Variants in DCUN1D3 observed in about 807,000 individuals in gnomAD.
The protein encoded by DCUN1D3 is DCN1-like protein 3.
DCUN1D3 carries 6 observed loss-of-function variants against 24.8 expected under a neutral mutation model. The observed-to-expected ratio is 0.24, with a 90% CI of 0.13 to 0.48. The LOEUF (loss-of-function observed/expected upper bound fraction) is 0.48, where lower values mean the gene tolerates loss of function less well. Ranked by LOEUF, DCUN1D3 falls within the 20% of genes least tolerant of loss-of-function variation. The pLI, the probability that DCUN1D3 is intolerant of heterozygous loss-of-function variation, is 0.99. For synonymous variants in DCUN1D3, 120 were observed against 144.9 expected, an observed-to-expected ratio of 0.83 and a Z score of 1.24; for missense variants, 258 against 379.4, an observed-to-expected ratio of 0.68 and a Z score of 2.66.
chr16:20,897,902 T>C (rs1297268939), intron 1 of DCUN1D3, among the ~76,000 whole-genome samples: 1 of 152,182 alleles, frequency 6.6e-6, no homozygotes, highest in Non-Finnish European at 1.5e-5. Context: ...GATAAGACCC[T>C]AGTTAAGGCG....
At chr16:20,881,354 C>T (rs1191419307) in intron 1 of DCUN1D3, among the ~76,000 whole-genome samples, 2 of 152,142 alleles carry the variant, frequency 1.3e-5, no homozygotes, top group Non-Finnish European at 2.9e-5. Context: ...TTACAATGAC[C>T]GATGAGTGTG....
Position 20,858,522 on chromosome 16 carries a change from GTATATA to G in DCUN1D3, c.*1358_*1363del, listed in dbSNP as rs1311005981. The G allele has an allele frequency of 6.9e-6, 1 of 144,220 alleles. No individual in the cohort carries two copies. The highest frequency in any genetic ancestry group is 2.2e-4 in the South Asian group (1 of 4,588). 8.9% of individuals were successfully genotyped at this position (144,220 alleles called of 1,614,324 possible). A position where few individuals can be genotyped will look rare whatever the true frequency, so the allele number is the denominator to read the frequency against. On this transcript the variant is annotated 3_prime_UTR_variant, in exon 3 of 3. Coordinates refer to ENST00000324344, the MANE Select transcript of DCUN1D3 (RefSeq NM_173475.4). ...CAAAGGAATATAGATACATATATGT[GTATATA>G]TATATATTTTATATAGGTAAAATAT...
chr16:20,885,222 G>A (rs957287246), intron 1 of DCUN1D3, among the ~76,000 whole-genome samples: 2 of 151,976 alleles, frequency 1.3e-5, no homozygotes, highest in African/African-American at 4.8e-5. Context: ...GATTCCGCCC[G>A]CCTCAGTCTC....
rs1188997822 is a variant in DCUN1D3 at position 20,860,225 on chromosome 16, G to A, written c.576C>T (p.Asp192=). The change falls in exon 3 of 3, where the codon GAC becomes GAT. Residue 192 remains aspartate (D), a synonymous_variant. Transcript: ENST00000324344. The surrounding 1 kb of genome is among the most constrained non-coding windows in gnomAD (Gnocchi z 4.3). ...GCAGTGACCGCTGCCCTTCTTCAGA[G>A]TCCAGGCCAAACTGAAATGTAAACC... ...LYRFTFQFGL[D]SEEGQRSLHR... 2 of 1,614,226 alleles carry A rather than the reference G, an allele frequency of 1.2e-6. No individual in the cohort carries two copies. Among genetic ancestry groups the A allele is most frequent in the South Asian group, 2.2e-5 (2 of 91,088 alleles).
intron 1 of DCUN1D3, among the ~76,000 whole-genome samples, chr16:20,886,933 A>T (rs1325249409): frequency 3.9e-5 from 6 of 152,256 alleles, no homozygotes; most frequent in Non-Finnish European, 8.8e-5. Context: ...TGTCTTTGAC[A>T]TGACTTTAGT....
chr16:20,886,058 T>C (rs903103737), intron 1 of DCUN1D3, among the ~76,000 whole-genome samples: 1 of 120,712 alleles, frequency 8.3e-6, no homozygotes, highest in Non-Finnish European at 1.9e-5. Context: ...TATTCATTTT[T>C]TCATTGAAAA....
chr16:20,899,621 A>G (rs2081950507), intron 1 of DCUN1D3, among the ~76,000 whole-genome samples: 1 of 152,112 alleles, frequency 6.6e-6, no homozygotes, highest in Non-Finnish European at 1.5e-5. Flanking sequence ...GAGGGGTGAG[A>G]AGTGCGGGGG....
chr16:20,877,386 T>A (rs1162429444), intron 1 of DCUN1D3, among the ~76,000 whole-genome samples: 23 of 152,216 alleles, frequency 1.5e-4, no homozygotes. Flanking sequence ...AGCACAACGC[T>A]GTTTTACTTC....
chr16:20,860,664 CAA>C lies in DCUN1D3; in HGVS notation c.432-297_432-296del, dbSNP rs2081727667. On this transcript the variant is annotated intron_variant, in intron 2 of 2. Transcript: ENST00000324344. The surrounding 1 kb of genome is among the most constrained non-coding windows in gnomAD (Gnocchi z 4.3). The stretch of plus-strand genomic sequence containing the variant: ...TCATTCATCTTCCCAAAGCTAAACT[CAA>C]GTCTCCTGCTCCCTGCCCTGTTTCC... Among the ~76,000 whole-genome samples, 1 of 152,176 alleles carries C rather than the reference CAA, an allele frequency of 6.6e-6. No individual in the cohort carries two copies. Among genetic ancestry groups the C allele is most frequent in the South Asian group, 2.1e-4 (1 of 4,818 alleles).
At position 20,858,398 on chromosome 16, in the gene DCUN1D3, TC is replaced by T. The variant is rs1212339382; in HGVS notation, c.*1487del. The T allele has an allele frequency of 6.6e-6, 1 of 152,544 alleles. No individual in the cohort carries two copies. The highest frequency in any genetic ancestry group is 1.5e-5 in the Non-Finnish European group (1 of 68,036). The allele number at this position is 152,544 out of a possible 1,614,324, so 9.4% of individuals were successfully genotyped here. A position where few individuals can be genotyped will look rare whatever the true frequency, so the allele number is the denominator to read the frequency against. ...TTTAGTGAAATGGTCCAAATTCAGA[TC>T]CAAAAGCCTCCATTATGGCATTCCC... On this transcript the variant is annotated 3_prime_UTR_variant, in exon 3 of 3. Coordinates refer to ENST00000324344, the MANE Select transcript of DCUN1D3 (RefSeq NM_173475.4).
At chr16:20,861,842 C>T (rs1415509334) in intron 2 of DCUN1D3, among the ~76,000 whole-genome samples, 1 of 152,146 alleles carries the variant, frequency 6.6e-6, no homozygotes, top group Non-Finnish European at 1.5e-5. Context: ...GTGCCTGGGC[C>T]TTCCCTGCTG....
chr16:20,866,886 C>G (rs1043553156), intron 1 of DCUN1D3, among the ~76,000 whole-genome samples: 1 of 152,172 alleles, frequency 6.6e-6, no homozygotes, highest in Non-Finnish European at 1.5e-5. Flanking sequence ...ACCCCCTTCT[C>G]TGGGAAAATA....
chr16:20,867,267 G>A (rs938587299), intron 1 of DCUN1D3, among the ~76,000 whole-genome samples: 4 of 152,048 alleles, frequency 2.6e-5, no homozygotes, highest in African/African-American at 7.2e-5. Context: ...ATGACGGACC[G>A]GCCCCAAGTT....
intron 1 of DCUN1D3, among the ~76,000 whole-genome samples, chr16:20,866,626 T>C (rs1002541943): frequency 6.6e-5 from 10 of 152,164 alleles, no homozygotes; most frequent in African/African-American, 2.4e-4. Context: ...AGCTGAAACC[T>C]GAAAGCTTTT....
intron 1 of DCUN1D3, among the ~76,000 whole-genome samples, chr16:20,891,231 A>G (rs1169067294): frequency 6.6e-6 from 1 of 152,032 alleles, no homozygotes; most frequent in African/African-American, 2.4e-5. Flanking sequence ...TGACCTCGTG[A>G]TCCACCCACC....
intron 1 of DCUN1D3, among the ~76,000 whole-genome samples, chr16:20,876,000 C>G (rs573898938): frequency 1.7e-4 from 26 of 152,144 alleles, no homozygotes; most frequent in Non-Finnish European, 3.4e-4. Flanking sequence ...GAGTCTCACT[C>G]TGTCACCCAC....
chr16:20,883,365 T>C (rs1198143392), intron 1 of DCUN1D3, among the ~76,000 whole-genome samples: 2 of 152,046 alleles, frequency 1.3e-5, no homozygotes, highest in African/African-American at 4.8e-5. Flanking sequence ...ACAAAACATT[T>C]AGCCGGGCAT....
chr16:20,896,068 A>G (rs1326124771), intron 1 of DCUN1D3, among the ~76,000 whole-genome samples: 1 of 152,256 alleles, frequency 6.6e-6, no homozygotes, highest in African/African-American at 2.4e-5. Flanking sequence ...TAGGCTCATT[A>G]GATGCATTTG....
chr16:20,888,271 G>A (rs150339901), intron 1 of DCUN1D3, among the ~76,000 whole-genome samples: 9 of 152,198 alleles, frequency 5.9e-5, no homozygotes, highest in African/African-American at 1.4e-4. Flanking sequence ...CATGTCCTTC[G>A]AATGTACTAT....
Sources: allele counts gnomAD v4.1 joint callset (sites outside exome capture counted in the v4.1 genomes callset), GRCh38; gene constraint gnomAD v4.1.1; non-coding constraint Gnocchi (gnomAD v3.1); transcripts MANE v1.5; gene names NCBI Gene and HGNC (gene_info 2026-07-23, HGNC 2026-07-21).